Variants in PELI2 observed in about 807,000 individuals in gnomAD.
PELI2 encodes pellino E3 ubiquitin protein ligase family member 2.
PELI2 carries 23 observed loss-of-function variants against 42.3 expected under a neutral mutation model. The observed-to-expected ratio is 0.54, with a 90% CI of 0.39 to 0.77. The LOEUF is 0.77. PELI2 is among the 30% of genes least tolerant of loss of function. The probability of loss-of-function intolerance (pLI) is 0.00; values close to 1 mark genes in which losing one functional copy is unlikely to be tolerated. For missense variants in PELI2, 463 were observed against 553.2 expected, an observed-to-expected ratio of 0.84 and a Z score of 1.64; for synonymous variants, 245 against 212.2, an observed-to-expected ratio of 1.15 and a Z score of -1.34.
At chr14:56,215,198 C>T (rs1037983404) in intron 2 of PELI2, among the ~76,000 whole-genome samples, 1 of 152,198 alleles carries the variant, frequency 6.6e-6, no homozygotes, top group Non-Finnish European at 1.5e-5. Flanking sequence ...GCAATTGAAA[C>T]TTCTCTTTCC....
chr14:56,293,950 G>A (rs577453662), intron 5 of PELI2, among the ~76,000 whole-genome samples: 126 of 152,222 alleles, frequency 8.3e-4, no homozygotes, highest in African/African-American at 2.9e-3. Context: ...GTTTTATCCT[G>A]CAATGAGGCC....
chr14:56,121,060 CAAT>C (rs1883041294), intron 1 of PELI2, among the ~76,000 whole-genome samples: 1 of 152,104 alleles, frequency 6.6e-6, no homozygotes, highest in East Asian at 1.9e-4. Context: ...CTTAAAACAA[CAAT>C]AACATTCACA....
chr14:56,221,199 A>G (rs961980005), intron 2 of PELI2, among the ~76,000 whole-genome samples: 1 of 152,194 alleles, frequency 6.6e-6, no homozygotes, highest in African/African-American at 2.4e-5. Flanking sequence ...TGGGAAGGAG[A>G]GGAAGGGCCT....
At chr14:56,207,528 T>C (rs748474257) in intron 2 of PELI2, among the ~76,000 whole-genome samples, 1 of 152,208 alleles carries the variant, frequency 6.6e-6, no homozygotes, top group Non-Finnish European at 1.5e-5. Flanking sequence ...GAGCCAACTT[T>C]CTAGCATGTT....
intron 1 of PELI2, among the ~76,000 whole-genome samples, chr14:56,122,159 G>A (rs890012921): frequency 1.3e-5 from 2 of 152,166 alleles, no homozygotes; most frequent in African/African-American, 4.8e-5. Flanking sequence ...AATTCCTAAT[G>A]TAGATGATGG....
At chr14:56,235,363 G>T (rs8181968) in intron 2 of PELI2, among the ~76,000 whole-genome samples, 61,352 of 152,178 alleles carry the variant, frequency 0.4, 13,095 homozygotes, top group South Asian at 0.53. Context: ...AGAAATCTTT[G>T]AAAATGCACA....
chr14:56,235,624 G>T (rs1428353560), intron 2 of PELI2, among the ~76,000 whole-genome samples: 1 of 152,242 alleles, frequency 6.6e-6, no homozygotes, highest in Admixed American at 6.5e-5. Flanking sequence ...GTCCAAGCCT[G>T]GCCATCCAGG....
At chr14:56,161,413 T>C (rs1884760534) in intron 1 of PELI2, among the ~76,000 whole-genome samples, 1 of 152,046 alleles carries the variant, frequency 6.6e-6, no homozygotes, top group Non-Finnish European at 1.5e-5. Flanking sequence ...TAGCTGGGAC[T>C]ACAGGTACGC....
chr14:56,190,124 A>G (rs1594623810), intron 2 of PELI2, among the ~76,000 whole-genome samples: 1 of 152,350 alleles, frequency 6.6e-6, no homozygotes, highest in East Asian at 1.9e-4. Flanking sequence ...TATTTAAAAA[A>G]AATCTCTTCA....
intron 5 of PELI2, among the ~76,000 whole-genome samples, chr14:56,291,366 G>C (rs181613996): frequency 6.6e-6 from 1 of 152,186 alleles, no homozygotes; most frequent in South Asian, 2.1e-4. Flanking sequence ...GTTGGGGGCT[G>C]TTTCACTGAC....
At chr14:56,143,997 T>C (rs1389194464) in intron 1 of PELI2, among the ~76,000 whole-genome samples, 1 of 152,214 alleles carries the variant, frequency 6.6e-6, no homozygotes, top group African/African-American at 2.4e-5. Flanking sequence ...AAAACATGCA[T>C]GTATACTAGC....
chr14:56,125,024 A>G (rs1156663467), intron 1 of PELI2, among the ~76,000 whole-genome samples: 1 of 152,186 alleles, frequency 6.6e-6, no homozygotes, highest in Admixed American at 6.5e-5. Context: ...GAGTGAAGAA[A>G]GCCCTCTGCT....
chr14:56,231,861 G>A (rs878983886), intron 2 of PELI2, among the ~76,000 whole-genome samples: 9 of 152,014 alleles, frequency 5.9e-5, no homozygotes, highest in Non-Finnish European at 1.3e-4. Flanking sequence ...TAGACTGCTA[G>A]CAAGACTAAT....
At chr14:56,279,381 G>A (rs1207961849) in intron 2 of PELI2, among the ~76,000 whole-genome samples, 1 of 152,188 alleles carries the variant, frequency 6.6e-6, no homozygotes, top group Admixed American at 6.5e-5. Flanking sequence ...TATGGAGAAA[G>A]TGTGTGTTTT....
intron 1 of PELI2, among the ~76,000 whole-genome samples, chr14:56,164,683 T>C (rs903401773): frequency 6.6e-6 from 1 of 152,140 alleles, no homozygotes; most frequent in African/African-American, 2.4e-5. Flanking sequence ...TTTTCTTTAC[T>C]GGGAGACTTC....
intron 2 of PELI2, among the ~76,000 whole-genome samples, chr14:56,200,386 C>T (rs1211017048): frequency 1.9e-5 from 2 of 104,064 alleles, no homozygotes; most frequent in African/African-American, 6.0e-5. Context: ...GCATGTGAGG[C>T]ACAGAGTGTT....
intron 2 of PELI2, among the ~76,000 whole-genome samples, chr14:56,251,654 C>G (rs146056314): frequency 6.6e-6 from 1 of 152,342 alleles, no homozygotes; most frequent in East Asian, 1.9e-4. Context: ...TCGTCATACC[C>G]TGCAGCCTCT....
intron 2 of PELI2, among the ~76,000 whole-genome samples, chr14:56,208,852 T>C (rs1468922488): frequency 5.9e-5 from 9 of 152,212 alleles, no homozygotes; most frequent in East Asian, 1.9e-4. Context: ...CATACAAATA[T>C]GGTTATTCAG....
chr14:56,264,543 A>G (rs1457902348), intron 2 of PELI2, among the ~76,000 whole-genome samples: 2 of 152,180 alleles, frequency 1.3e-5, no homozygotes, highest in African/African-American at 2.4e-5. Context: ...AATGATGGGA[A>G]AGTGGCGAAA....
Sources: allele counts gnomAD v4.1 joint callset (sites outside exome capture counted in the v4.1 genomes callset), GRCh38; gene constraint gnomAD v4.1.1; transcripts MANE v1.5; gene names NCBI Gene and HGNC (gene_info 2026-07-23, HGNC 2026-07-21).